ABCB4: variants seen among roughly 807,000 people sequenced by gnomAD.
ABCB4 encodes the protein phosphatidylcholine translocator ABCB4.
In ABCB4, 76 loss-of-function variants were observed where a neutral mutation model predicts 145.7. The observed-to-expected ratio is 0.52, with a 90% confidence interval of 0.43 to 0.63. The LOEUF is 0.63. ABCB4 is among the 30% of genes least tolerant of loss of function. ABCB4 has a pLI of 0.00. For missense variants in ABCB4, 1,234 were observed against 1,553.1 expected, an observed-to-expected ratio of 0.79 and a Z score of 3.45; for synonymous variants, 517 against 566.8, an observed-to-expected ratio of 0.91 and a Z score of 1.25.
At chr7:87,443,621 T>C (rs1811140074) in intron 11 of ABCB4, 42 bp downstream of exon 11, 1 of 1,574,988 alleles carries the variant, frequency 6.3e-7, no homozygotes, top group Non-Finnish European at 8.7e-7. Context: ...GATTCAACAA[T>C]CAACCTCAGT....
At chr7:87,419,905 A>C (rs1562959682) in intron 19 of ABCB4, 93 bp downstream of exon 19, 3 of 1,337,132 alleles carry the variant, frequency 2.2e-6, no homozygotes, top group East Asian at 2.3e-5. Flanking sequence ...TGGGGGGAAA[A>C]CATGCATATC....
chr7:87,393,191 T>A, the ABCB4 span: 10 of 1,097,750 alleles, frequency 9.1e-6, no homozygotes, highest in Non-Finnish European at 1.3e-5. Flanking sequence ...CATAAGTAAC[T>A]ATTTTTTTCC....
chr7:87,398,908 C>T (rs1807650376), downstream of ABCB4: 1 of 346,674 alleles, frequency 2.9e-6, no homozygotes, highest in South Asian at 4.6e-5. Context: ...GTATTTAAGC[C>T]TCAACAATCC....
the ABCB4 span, among the ~76,000 whole-genome samples, chr7:87,373,167 CGTT>C: frequency 6.6e-6 from 1 of 151,886 alleles, no homozygotes; most frequent in African/African-American, 2.4e-5. Flanking sequence ...AGTGGGATCT[CGTT>C]GTAGTTTATA....
chr7:87,466,354 G>A (rs566828172), intron 3 of ABCB4, among the ~76,000 whole-genome samples: 1 of 152,206 alleles, frequency 6.6e-6, no homozygotes, highest in South Asian at 2.1e-4. Flanking sequence ...AGAGAAAAAA[G>A]AATAAAAAGA....
chr7:87,475,883 G>C (rs1813788389), upstream of ABCB4: 1 of 152,478 alleles, frequency 6.6e-6, no homozygotes, highest in Non-Finnish European at 1.5e-5. Context: ...CTTGCCGCCG[G>C]GGCGCCCGGC....
the ABCB4 span, among the ~76,000 whole-genome samples, chr7:87,381,736 G>A: frequency 2.0e-5 from 3 of 152,090 alleles, no homozygotes; most frequent in African/African-American, 4.8e-5. Context: ...ATAAAATATA[G>A]CAGTTACTGA....
At chr7:87,407,977 A>C in intron 25 of ABCB4, 60 bp downstream of exon 25, 1 of 1,599,476 alleles carries the variant, frequency 6.3e-7, no homozygotes, top group Non-Finnish European at 8.5e-7. Context: ...CCATTATGAC[A>C]ATATTGGTTG....
rs978222245 is a variant in ABCB4, at chr7:87,413,670, G to A, written c.2730C>T (p.Thr910=). The change falls in exon 22 of 28, where the codon ACC becomes ACT. Residue 910 remains threonine, a synonymous_variant. Coordinates refer to ENST00000649586, the MANE Select transcript of ABCB4 (RefSeq NM_000443.4). The stretch of plus-strand genomic sequence containing the variant: ...ACATTGATTCAAATTTTCTTTCCTG[G>A]GTCAAAGACACAACTGTCCTAATAT... ...IENIRTVVSL[T]QERKFESMYV... is the part of the protein sequence containing the mutation. 1.9e-6 allele frequency: 3 copies of A among 1,612,474 alleles called. No homozygotes were observed. The highest frequency in any genetic ancestry group is 2.7e-5 in the African/African-American group (2 of 74,826).
rs1021035736 is a variant in ABCB4 at position 87,463,630 on chromosome 7, T to C, written c.136-722A>G. Among the ~76,000 whole-genome samples, 41 of 152,306 alleles carry C rather than the reference T, an allele frequency of 2.7e-4. 1 individual carries two copies. The highest frequency in any genetic ancestry group is 6.8e-3 in the Middle Eastern group (2 of 294). ...TTAGAATAAGAAGGTAACTAGAAACTACATGGAATGCTTAAGTAACCCCTG... is the reference window on the plus strand; with the variant it reads ...TTAGAATAAGAAGGTAACTAGAAACCACATGGAATGCTTAAGTAACCCCTG... On this transcript the variant is annotated intron_variant, in intron 3 of 27. Transcript: ENST00000649586.
chr7:87,417,486 T>G lies in ABCB4; in HGVS notation c.2508A>C (p.Ala836=), dbSNP rs1030371844. The change falls in exon 21 of 28, where the codon GCA becomes GCC. Residue 836 remains alanine, a synonymous_variant. Coordinates refer to ENST00000649586, the MANE Select transcript of ABCB4 (RefSeq NM_000443.4). The part of the protein sequence containing the change: ...GATGTRLALI[A]QNIANLGTGI... ...CAGTTCCAAGGTTAGCTATATTCTG[T>G]GCAATTAAAGCCAACCTGGTTCCTG... The G allele has an allele frequency of 6.2e-7, 1 of 1,614,152 alleles. No individual in the cohort carries two copies. Among genetic ancestry groups the G allele is most frequent in the East Asian group, 2.2e-5 (1 of 44,864 alleles).
rs1811874248 is a variant in ABCB4, at chr7:87,453,174, T to G, written c.345-39A>C. 9.5e-6 allele frequency: 15 copies of G among 1,581,146 alleles called. No individual in the cohort carries two copies. The African/African-American group carries it at 1.1e-4, about 11-fold the overall frequency. On this transcript the variant is annotated intron_variant, in intron 5 of 27. Coordinates refer to ENST00000649586, the MANE Select transcript of ABCB4 (RefSeq NM_000443.4). ...GAAAGGCTCTATTAAATACCTTCTCTTTTCTTTTTTCTTTTCTTTTCTTTT... is the reference window on the plus strand; with the variant it reads ...GAAAGGCTCTATTAAATACCTTCTCGTTTCTTTTTTCTTTTCTTTTCTTTT...
chr7:87,455,040 A>C (rs1297021457), intron 4 of ABCB4, among the ~76,000 whole-genome samples: 1 of 151,954 alleles, frequency 6.6e-6, no homozygotes. Context: ...AACTTCAATA[A>C]ATTTTATTTT....
intron 17 of ABCB4, chr7:87,423,647 C>T (rs1809605629): frequency 4.3e-6 from 2 of 469,818 alleles, no homozygotes; most frequent in South Asian, 2.1e-5. Context: ...ACACCAGTTT[C>T]ACCAAATGAA....
chr7:87,462,804 C>T lies in ABCB4; in HGVS notation c.240G>A (p.Glu80=), dbSNP rs8187787. ...CAGTATCAACAAATTTGTCAGTCAT[C>T]TCTCCAAATACTATCATCATGAGGG... The part of the protein sequence containing the change: ...GLPLMMIVFG[E]MTDKFVDTAG... The change falls in exon 4 of 28, where the codon GAG becomes GAA. Residue 80 remains glutamate (E), a synonymous_variant. Coordinates refer to ENST00000649586, the MANE Select transcript of ABCB4 (RefSeq NM_000443.4). 1.8e-5 allele frequency: 29 copies of T among 1,613,818 alleles called. No homozygotes were observed. The highest frequency in any genetic ancestry group is 1.6e-4 in the Middle Eastern group (1 of 6,084).
the ABCB4 span, chr7:87,377,240 A>G: frequency 3.3e-6 from 2 of 611,234 alleles, no homozygotes; most frequent in South Asian, 4.7e-5. Flanking sequence ...ATTTTATTAA[A>G]TTTGGTTGAC....
the ABCB4 span, among the ~76,000 whole-genome samples, chr7:87,387,939 A>G: frequency 6.6e-6 from 1 of 152,306 alleles, no homozygotes; most frequent in Admixed American, 6.5e-5. Context: ...GCGACAGAGC[A>G]AGACTTTGGC....
chr7:87,382,353 C>A, the ABCB4 span: 1 of 1,562,044 alleles, frequency 6.4e-7, no homozygotes, highest in Non-Finnish European at 8.7e-7. Context: ...TAATTTGCTT[C>A]TCTTTGGTGT....
the ABCB4 span, among the ~76,000 whole-genome samples, chr7:87,366,709 T>C: frequency 2.0e-5 from 3 of 152,228 alleles, no homozygotes; most frequent in African/African-American, 7.2e-5. Context: ...CTCCCAGGCA[T>C]ACACATTCAA....
Sources: gnomAD v4.1 joint callset for allele counts (sites outside exome capture counted in the v4.1 genomes callset) on GRCh38, gnomAD v4.1.1 for gene constraint, MANE v1.5 for transcripts, NCBI Gene and HGNC (gene_info 2026-07-23, HGNC 2026-07-21) for gene names.